Variants in HNF4A observed in about 807,000 individuals in gnomAD.
HNF4A encodes hepatocyte nuclear factor 4 alpha.
HNF4A carries 15 observed loss-of-function variants against 52.4 expected under a neutral mutation model. That is an observed-to-expected ratio of 0.29 (90% confidence interval 0.19 to 0.44). The LOEUF is 0.44. Among genes scored for constraint, HNF4A ranks in the 20% least tolerant of loss-of-function variants. The probability of loss-of-function intolerance (pLI) is 1.00; values close to 1 mark genes in which losing one functional copy is unlikely to be tolerated. For synonymous variants in HNF4A, 280 were observed against 264.4 expected, an observed-to-expected ratio of 1.06 and a Z score of -0.57; for missense variants, 479 against 647.2, an observed-to-expected ratio of 0.74 and a Z score of 2.82.
At chr20:44,384,534 G>A (rs780095161) in intron 1 of HNF4A, 12 of 152,226 alleles carry the variant, frequency 7.9e-5, no homozygotes, top group Non-Finnish European at 1.2e-4. Context: ...TATAGTACAC[G>A]CCCAGCATGG....
intron 3 of HNF4A, among the ~76,000 whole-genome samples, chr20:44,410,468 G>C (rs957072212): frequency 6.6e-6 from 1 of 151,996 alleles, no homozygotes; most frequent in African/African-American, 2.4e-5. Flanking sequence ...ATTCCTAGCT[G>C]TGCCTGTCTT....
At chr20:44,409,839 C>CTT (rs11468260) in intron 3 of HNF4A, among the ~76,000 whole-genome samples, 2 of 144,110 alleles carry the variant, frequency 1.4e-5, no homozygotes, top group African/African-American at 5.1e-5. Flanking sequence ...CTGGTCCCTT[C>CTT]TTTTTTTTTT....
chr20:44,419,746 C>T lies in HNF4A; in HGVS notation c.762C>T (p.His254=), dbSNP rs150078978. ...GCAATGACTACATTGTCCCTCGGCA[C>T]TGCCCGGAGCTGGCGGAGATGAGCC... The change falls in exon 7 of 10, where the codon CAC becomes CAT. Residue 254 remains histidine, a synonymous_variant. Coordinates refer to ENST00000316099, the MANE Select transcript of HNF4A (RefSeq NM_000457.6). The T allele has an allele frequency of 6.6e-4, 1,058 of 1,614,098 alleles. 11 individuals carry two copies. The African/African-American group carries it at 0.012, about 19-fold the overall frequency.
intron 5 of HNF4A, among the ~76,000 whole-genome samples, chr20:44,416,626 C>G (rs1026112445): frequency 6.6e-6 from 1 of 152,236 alleles, no homozygotes; most frequent in African/African-American, 2.4e-5. Flanking sequence ...AGGTTTCTAT[C>G]CATGGGGAAT....
intron 1 of HNF4A, among the ~76,000 whole-genome samples, chr20:44,402,848 G>A (rs2063430412): frequency 6.6e-6 from 1 of 152,186 alleles, no homozygotes; most frequent in East Asian, 1.9e-4. Flanking sequence ...CAGCTAGGGT[G>A]AGGAGGCAGC....
intron 1 of HNF4A, among the ~76,000 whole-genome samples, chr20:44,357,024 G>A (rs925892406): frequency 3.9e-5 from 6 of 152,138 alleles, no homozygotes; most frequent in Admixed American, 2.6e-4. Context: ...TTGATACCAC[G>A]TGCATTGCAA....
chr20:44,379,372 T>C (rs2063124766), intron 1 of HNF4A, among the ~76,000 whole-genome samples: 1 of 152,090 alleles, frequency 6.6e-6, no homozygotes, highest in Non-Finnish European at 1.5e-5. Context: ...GAAGCCGCCA[T>C]ACTGCTTGCC....
At chr20:44,405,996 C>A in intron 1 of HNF4A, 62 bp from the exon 2 acceptor site, 2 of 1,512,190 alleles carry the variant, frequency 1.3e-6, no homozygotes, top group South Asian at 1.1e-5. Flanking sequence ...CCCCGCAAGG[C>A]TCCCTTAGAT....
At chr20:44,361,061 C>T (rs1418074701) in intron 1 of HNF4A, among the ~76,000 whole-genome samples, 5 of 152,100 alleles carry the variant, frequency 3.3e-5, no homozygotes, top group Non-Finnish European at 5.9e-5. Flanking sequence ...TGGCTGTTCC[C>T]ACCCTTCATT....
chr20:44,360,545 A>G (rs2146150783), intron 1 of HNF4A, among the ~76,000 whole-genome samples: 1 of 152,242 alleles, frequency 6.6e-6, no homozygotes, highest in East Asian at 1.9e-4. Flanking sequence ...AAATGATGTG[A>G]TGAGTGGGTT....
intron 1 of HNF4A, chr20:44,390,308 G>GT (rs971400340): frequency 7.8e-5 from 25 of 321,316 alleles, no homozygotes; most frequent in African/African-American, 4.6e-4. Flanking sequence ...AAGAGTTATG[G>GT]TTTTTTCCAA....
chr20:44,376,639 C>G (rs1321735020), intron 1 of HNF4A, among the ~76,000 whole-genome samples: 1 of 152,050 alleles, frequency 6.6e-6, no homozygotes, highest in Non-Finnish European at 1.5e-5. Context: ...ATCCCATCAC[C>G]CTGCCACCCT....
intron 1 of HNF4A, among the ~76,000 whole-genome samples, chr20:44,363,062 G>A (rs1002263607): frequency 1.3e-5 from 2 of 151,740 alleles, no homozygotes; most frequent in Non-Finnish European, 2.9e-5. Context: ...CACCATGTTC[G>A]CCAGGCTAGT....
At chr20:44,426,503 A>T (rs539257189) in intron 8 of HNF4A, among the ~76,000 whole-genome samples, 74 of 152,024 alleles carry the variant, frequency 4.9e-4, no homozygotes, top group Non-Finnish European at 9.1e-4. Flanking sequence ...GGCTGCACTC[A>T]AAAAGAAATA....
rs369873927 is a variant in HNF4A, at chr20:44,359,601, C to A, written c.49+3748C>A. Reference sequence around the variant, plus strand: ...ATAAATGAGTTTCTCAGCCTCAGCACTGTTAACTTTCTGGCCTGGAAGATT... The same window carrying A: ...ATAAATGAGTTTCTCAGCCTCAGCAATGTTAACTTTCTGGCCTGGAAGATT... On this transcript the variant is annotated intron_variant, in intron 1 of 9. Transcript: ENST00000316673. Among the ~76,000 whole-genome samples, 112 of 152,306 alleles carry A rather than the reference C, an allele frequency of 7.4e-4. 1 individual carries two copies. The South Asian group carries it at 0.023, about 32-fold the overall frequency.
chr20:44,428,372 G>A lies in HNF4A; in HGVS notation c.1167G>A (p.Leu389=). 2 of 1,614,010 alleles carry A rather than the reference G, an allele frequency of 1.2e-6. No homozygotes were observed. Among genetic ancestry groups the A allele is most frequent in the Non-Finnish European group, 1.7e-6 (2 of 1,179,982 alleles). Reference sequence around the variant, plus strand: ...ATGCACCCCATGCCCACCACCCCCTGCACCCTCACCTGATGCAGGAACATA... The same window carrying A: ...ATGCACCCCATGCCCACCACCCCCTACACCCTCACCTGATGCAGGAACATA... The change falls in exon 9 of 10, where the codon CTG becomes CTA. Residue 389 remains leucine, a synonymous_variant. Coordinates refer to ENST00000316099, the MANE Select transcript of HNF4A (RefSeq NM_000457.6).
intron 2 of HNF4A, 45 bp from the exon 3 acceptor site, chr20:44,407,336 A>T: frequency 7.1e-7 from 1 of 1,410,140 alleles, no homozygotes; most frequent in Non-Finnish European, 9.9e-7. Flanking sequence ...TCCTAAGAGG[A>T]GGAAGTTGTG....
At chr20:44,385,524 A>G (rs1282651807) in intron 1 of HNF4A, among the ~76,000 whole-genome samples, 1 of 152,144 alleles carries the variant, frequency 6.6e-6, no homozygotes, top group Non-Finnish European at 1.5e-5. Context: ...GCTGGAGTGT[A>G]GTGGCCTGAT....
At chr20:44,364,297 C>A (rs556115999) in intron 1 of HNF4A, among the ~76,000 whole-genome samples, 10 of 152,230 alleles carry the variant, frequency 6.6e-5, no homozygotes, top group Admixed American at 6.5e-4. Context: ...CCGCCTCAGC[C>A]TCCCAGCCCC....
Sources: gnomAD v4.1 joint callset for allele counts (sites outside exome capture counted in the v4.1 genomes callset) on GRCh38, gnomAD v4.1.1 for gene constraint, MANE v1.5 for transcripts, NCBI Gene and HGNC (gene_info 2026-07-23, HGNC 2026-07-21) for gene names.